The following ACADL variants were observed in gnomAD, a reference collection of about 807,000 sequenced individuals.
ACADL encodes the protein long-chain specific acyl-CoA dehydrogenase, mitochondrial.
ACADL carries 60 observed loss-of-function variants against 56.9 expected under a neutral mutation model. That is an observed-to-expected ratio of 1.05 (90% CI 0.86 to 1.31). The LOEUF (loss-of-function observed/expected upper bound fraction) is 1.31, where lower values mean the gene tolerates loss of function less well. Ranked by LOEUF, ACADL falls within the 50% of genes most tolerant of loss-of-function variation. The probability of loss-of-function intolerance (pLI) is 0.00; values close to 1 mark genes in which losing one functional copy is unlikely to be tolerated. For synonymous variants in ACADL, 158 were observed against 179.7 expected (o/e 0.88, Z 0.97); for missense variants, 484 against 525.5 (o/e 0.92, Z 0.77).
rs60795055 is a variant in ACADL at position 210,214,467 on chromosome 2, AAAAG to A, written c.536+1876_536+1879del. 8.2e-3 allele frequency among the ~76,000 whole-genome samples: 1,001 copies of A among 122,414 alleles called. 7 individuals carry two copies. The highest frequency in any genetic ancestry group is 0.024 in the South Asian group (82 of 3,414). The allele number at this position is 122,414 out of a possible 152,430, so 80.3% of individuals were successfully genotyped here. On this transcript the variant is annotated intron_variant, in intron 4 of 10. Coordinates refer to ENST00000233710, the MANE Select transcript of ACADL (RefSeq NM_001608.4). ...CTCATGACTTTCAATGACCTTCCAAAAAAGAAAGAAAGAAAGAAAGAAAGAAAGA... is the reference window on the plus strand; with the variant it reads ...CTCATGACTTTCAATGACCTTCCAAAAAAGAAAGAAAGAAAGAAAGAAAGA...
chr2:210,195,676 A>C (rs1029394660), intron 8 of ACADL, among the ~76,000 whole-genome samples: 3 of 152,226 alleles, frequency 2.0e-5, no homozygotes, highest in African/African-American at 7.2e-5. Flanking sequence ...ACAGTTATTT[A>C]GGTACAGCCG....
rs1305372741 is a variant in ACADL at position 210,195,396 on chromosome 2, C to T, written c.985-58G>A. On this transcript the variant is annotated intron_variant, in intron 8 of 10. Coordinates refer to ENST00000233710, the MANE Select transcript of ACADL (RefSeq NM_001608.4). Reference sequence around the variant, plus strand: ...AGCATGGTAGAAATATAAACTTCAACCCACTTAACATATCAGAAATTATAC... The same window carrying T: ...AGCATGGTAGAAATATAAACTTCAATCCACTTAACATATCAGAAATTATAC... 2.6e-6 allele frequency: 4 copies of T among 1,530,714 alleles called. No individual in the cohort carries two copies. The East Asian group carries it at 9.0e-5, about 34-fold the overall frequency. The allele number at this position is 1,530,714 out of a possible 1,614,324, so 94.8% of individuals were successfully genotyped here.
intron 9 of ACADL, among the ~76,000 whole-genome samples, chr2:210,193,672 G>A (rs929724151): frequency 1.1e-4 from 17 of 151,120 alleles, no homozygotes; most frequent in Non-Finnish European, 1.8e-4. Context: ...CTTTTTGTTT[G>A]TGAGTCTGTT....
intron 1 of ACADL, among the ~76,000 whole-genome samples, chr2:210,222,516 A>G (rs1689195183): frequency 6.6e-6 from 1 of 151,896 alleles, no homozygotes; most frequent in Non-Finnish European, 1.5e-5. Context: ...AACAAAAAAA[A>G]AAAAAAAAGG....
intron 1 of ACADL, among the ~76,000 whole-genome samples, chr2:210,224,082 G>A (rs116035489): frequency 0.023 from 3,422 of 152,032 alleles, 129 homozygotes; most frequent in African/African-American, 0.079. Context: ...TCAGCCGGGT[G>A]TGGTGGTGCG....
chr2:210,195,656 A>G (rs1688699291), intron 8 of ACADL, among the ~76,000 whole-genome samples: 1 of 152,218 alleles, frequency 6.6e-6, no homozygotes, highest in South Asian at 2.1e-4. Context: ...TGTGAGCACC[A>G]TCTTGTGGTA....
chr2:210,205,648 AT>A lies in ACADL; in HGVS notation c.751del (p.Met251TrpfsTer3). The A allele has an allele frequency of 6.2e-7, 1 of 1,613,894 alleles. No homozygotes were observed. Among genetic ancestry groups the A allele is most frequent in the South Asian group, 1.1e-5 (1 of 91,082 alleles). ...ATCACTCACCTGGGCTTTTAATCCC[AT>A]TTTATGTAGCTTTCGTCCCTTGATA... ...GFIKGRKLHK[M>X]GLKAQDTAEL... On this transcript the variant is annotated frameshift_variant, in exon 6 of 11. Transcript: ENST00000233710. LOFTEE classifies it high-confidence loss of function.
intron 2 of ACADL, chr2:210,218,424 G>T (rs1689124724): frequency 3.0e-5 from 8 of 266,086 alleles, no homozygotes; most frequent in South Asian, 9.0e-5. Flanking sequence ...AAGACTTCAG[G>T]TACCTGCCAC....
In ACADL at chr2:210,225,441, G is replaced by GGA; in HGVS notation, c.-180_-179dup. On this transcript the variant is annotated 5_prime_UTR_variant, in exon 1 of 11. Transcript: ENST00000233710. ...AACCACGCCACAGGCTGGTCGCGAG[G>GGA]GAATACGCCCGTCTTGGCTGTCAGC... The GGA allele has an allele frequency of 9.6e-6, 6 of 623,010 alleles. No homozygotes were observed. Among genetic ancestry groups the GGA allele is most frequent in the Non-Finnish European group, 1.6e-5 (6 of 367,024 alleles). 38.6% of individuals were successfully genotyped at this position (623,010 alleles called of 1,614,324 possible).
In ACADL at chr2:210,220,789, C is replaced by T. The variant is rs377053022; in HGVS notation, c.91G>A (p.Gly31Arg). The change falls in exon 2 of 11, where the codon GGA (glycine) becomes AGA (arginine). Residue 31 changes from glycine to arginine, a missense_variant. Coordinates refer to ENST00000233710, the MANE Select transcript of ACADL (RefSeq NM_001608.4). ...QLPAARCSHS[G>R]GEERLETPSA... is the part of the protein sequence containing the mutation. ...GGAGTTTCTAGACGTTCTTCCCCTCCGGAATGAGAACATCTTAAAAATATA... is the reference window on the plus strand; with the variant it reads ...GGAGTTTCTAGACGTTCTTCCCCTCTGGAATGAGAACATCTTAAAAATATA... The T allele has an allele frequency of 2.0e-5, 32 of 1,605,476 alleles. No homozygotes were observed. Among genetic ancestry groups the T allele is most frequent in the South Asian group, 3.3e-5 (3 of 90,470 alleles).
chr2:210,195,207 A>C lies in ACADL; in HGVS notation c.1112+4T>G. The C allele has an allele frequency of 2.5e-6, 4 of 1,613,898 alleles. No homozygotes were observed. Among genetic ancestry groups the C allele is most frequent in the Non-Finnish European group, 3.4e-6 (4 of 1,179,866 alleles). ...CCGCACTCTAATTACTGTAGCATGC[A>C]TACCAATATTTCGCCATGCAAGCAG... On this transcript the variant is annotated splice_donor_region_variant and intron_variant, in intron 9 of 10. Transcript: ENST00000233710.
intron 2 of ACADL, 104 bp downstream of exon 2, chr2:210,220,543 C>G: frequency 9.6e-7 from 1 of 1,043,976 alleles, no homozygotes; most frequent in East Asian, 2.4e-5. Context: ...GTTAATAAAG[C>G]CCTGAACATA....
At chr2:210,203,211 C>A in intron 8 of ACADL, 120 bp downstream of exon 8, 2 of 731,430 alleles carry the variant, frequency 2.7e-6, no homozygotes, top group Non-Finnish European at 2.5e-6. Flanking sequence ...TGATCTCATC[C>A]ACTTCCATGG....
intron 1 of ACADL, chr2:210,224,552 A>G (rs1689234673): frequency 1.0e-6 from 1 of 985,052 alleles, no homozygotes; most frequent in Middle Eastern, 5.2e-4. Flanking sequence ...CTTAGTAGTC[A>G]CTGAACTACT....
At chr2:210,213,863 T>C (rs944725410) in intron 4 of ACADL, among the ~76,000 whole-genome samples, 5 of 152,176 alleles carry the variant, frequency 3.3e-5, no homozygotes, top group East Asian at 3.9e-4. Context: ...ATTCCATATA[T>C]CTTATTATAA....
At chr2:210,217,038 T>C (rs1267822311) in intron 3 of ACADL, among the ~76,000 whole-genome samples, 1 of 149,924 alleles carries the variant, frequency 6.7e-6, no homozygotes. Flanking sequence ...AAATAAAAAT[T>C]TAAAATTTAA....
At chr2:210,208,825 G>A (rs536779776) in intron 5 of ACADL, among the ~76,000 whole-genome samples, 2 of 152,232 alleles carry the variant, frequency 1.3e-5, no homozygotes, top group South Asian at 2.1e-4. Flanking sequence ...CAGATGCACC[G>A]TATTTGCTTA....
At position 210,195,280 on chromosome 2, in the gene ACADL, A is replaced by G; in HGVS notation, c.1043T>C (p.Val348Ala). The change falls in exon 9 of 11, where the codon GTG becomes GCG. Residue 348 changes from valine (V) to alanine (A), a missense_variant. By Grantham distance (64) the Val-to-Ala change is moderately conservative. Transcript: ENST00000233710. ...TTCATGCAGCTGGAGACAGTTGTCC[A>G]CAAATGCTCGGGTTACACATATATG... ...KTHICVTRAF[V>A]DNCLQLHEAK... 1 of 1,613,936 alleles carries G rather than the reference A, an allele frequency of 6.2e-7. No homozygotes were observed. Among genetic ancestry groups the G allele is most frequent in the South Asian group, 1.1e-5 (1 of 91,086 alleles).
At chr2:210,206,104 A>G (rs929452611) in intron 5 of ACADL, among the ~76,000 whole-genome samples, 2 of 152,100 alleles carry the variant, frequency 1.3e-5, no homozygotes, top group African/African-American at 4.8e-5. Flanking sequence ...ATTGTCTATT[A>G]TGATGATAAA....
Sources: gnomAD v4.1 joint callset for allele counts (sites outside exome capture counted in the v4.1 genomes callset) on GRCh38, gnomAD v4.1.1 for gene constraint, MANE v1.5 for transcripts, NCBI Gene and HGNC (gene_info 2026-07-23, HGNC 2026-07-21) for gene names.